Variants in BEND7 observed in about 807,000 individuals in gnomAD.
BEND7 encodes BEN domain containing 7, also known as BEN domain-containing protein 7.
A neutral mutation model predicts 50.9 loss-of-function variants in BEND7; 28 were observed. The observed-to-expected ratio is 0.55, with a 90% confidence interval of 0.41 to 0.75. The LOEUF is 0.75. Ranked by LOEUF, BEND7 falls within the 30% of genes least tolerant of loss-of-function variation. The pLI, the probability that BEND7 is intolerant of heterozygous loss-of-function variation, is 0.00. For missense variants in BEND7, 477 were observed against 491.3 expected (o/e 0.97, Z 0.28); for synonymous variants, 170 against 183.9 (o/e 0.92, Z 0.61).
downstream of BEND7, among the ~76,000 whole-genome samples, chr10:13,440,176 G>C (rs1835149741): frequency 6.6e-6 from 1 of 152,132 alleles, no homozygotes; most frequent in Non-Finnish European, 1.5e-5. Flanking sequence ...GGTTAGAGAG[G>C]TCTTCGAGCT....
intron 6 of BEND7, among the ~76,000 whole-genome samples, chr10:13,475,380 A>G (rs56890921): frequency 0.087 from 13,258 of 152,298 alleles, 675 homozygotes; most frequent in Middle Eastern, 0.12. Context: ...ACTGCCAAAC[A>G]TTTAAACTAG....
At chr10:13,481,710 C>T (rs930496227) in intron 5 of BEND7, among the ~76,000 whole-genome samples, 3 of 152,140 alleles carry the variant, frequency 2.0e-5, no homozygotes, top group Admixed American at 1.3e-4. Flanking sequence ...TAAGTAAAAA[C>T]GATGAGCAGG....
chr10:13,529,480 TGGA>T (rs1384533366), upstream of BEND7, among the ~76,000 whole-genome samples: 3 of 152,094 alleles, frequency 2.0e-5, no homozygotes, highest in African/African-American at 7.2e-5. Flanking sequence ...TAGAATATTG[TGGA>T]GAAGAATATA....
chr10:13,499,174 T>G (rs1344062636), intron 3 of BEND7, among the ~76,000 whole-genome samples: 1 of 152,068 alleles, frequency 6.6e-6, no homozygotes, highest in Non-Finnish European at 1.5e-5. Context: ...TGAAAAAAAA[T>G]TGTCATTTGA....
At chr10:13,441,783 G>A (rs1364615869) in intron 8 of BEND7, 33 bp from the exon 9 acceptor site, 6 of 1,602,494 alleles carry the variant, frequency 3.7e-6, no homozygotes, top group South Asian at 1.1e-5. Flanking sequence ...TGTCAGGAAC[G>A]GGATTACTTA....
chr10:13,457,053 C>G (rs1386899461), intron 6 of BEND7, among the ~76,000 whole-genome samples: 1 of 152,226 alleles, frequency 6.6e-6, no homozygotes, highest in Non-Finnish European at 1.5e-5. Context: ...ACAAAAATGA[C>G]TGAATCCACT....
chr10:13,454,165 A>C (rs1048300854), intron 6 of BEND7, among the ~76,000 whole-genome samples: 1 of 152,132 alleles, frequency 6.6e-6, no homozygotes, highest in Non-Finnish European at 1.5e-5. Context: ...AAAAGAGAAG[A>C]AAGGGAAGGT....
At chr10:13,439,092 C>T, downstream of BEND7, 1 of 1,356,048 alleles carries the variant, frequency 7.4e-7, no homozygotes, top group East Asian at 2.5e-5. Flanking sequence ...GGCCTGAAAT[C>T]TTAACAGCCT....
chr10:13,521,431 T>C (rs2079070759), intron 2 of BEND7, among the ~76,000 whole-genome samples: 1 of 152,112 alleles, frequency 6.6e-6, no homozygotes, highest in African/African-American at 2.4e-5. Context: ...TCTGGGTAAA[T>C]AACACTATTA....
chr10:13,447,275 G>A lies in BEND7; in HGVS notation c.1225C>T (p.Pro409Ser), dbSNP rs146832451. 6.2e-7 allele frequency: 1 copy of A among 1,613,984 alleles called. No homozygotes were observed. The highest frequency in any genetic ancestry group is 1.3e-5 in the African/African-American group (1 of 74,910). Reference sequence around the variant, plus strand: ...AATGCGTTTTATTTACCTGTTGGTGGTAGAGCAATGCCGTCCAGTCTTTCA... The same window carrying A: ...AATGCGTTTTATTTACCTGTTGGTGATAGAGCAATGCCGTCCAGTCTTTCA... ...SDERLDGIAL[P>S]PTVV is the part of the protein sequence containing the mutation. Residue 409 changes from proline (P) to serine (S), a missense_variant, in exon 8 of 9, where the codon CCA becomes TCA. Transcript: ENST00000466271.
chr10:13,449,577 A>G (rs1472306487), intron 7 of BEND7, among the ~76,000 whole-genome samples: 1 of 152,202 alleles, frequency 6.6e-6, no homozygotes, highest in Non-Finnish European at 1.5e-5. Flanking sequence ...ATGCATCGAT[A>G]TGAGCTAATT....
At chr10:13,529,269 C>T (rs977161516), upstream of BEND7, among the ~76,000 whole-genome samples, 1 of 150,720 alleles carries the variant, frequency 6.6e-6, no homozygotes, top group Non-Finnish European at 1.5e-5. Flanking sequence ...TCGCAGACCC[C>T]GCTCGCTGGC....
chr10:13,508,153 G>A (rs1377293291), intron 2 of BEND7, among the ~76,000 whole-genome samples: 1 of 152,178 alleles, frequency 6.6e-6, no homozygotes, highest in Non-Finnish European at 1.5e-5. Context: ...CCTGAGGCTG[G>A]CACCTCTTTC....
intron 6 of BEND7, among the ~76,000 whole-genome samples, chr10:13,480,256 G>A (rs2075763346): frequency 6.6e-6 from 1 of 152,186 alleles, no homozygotes; most frequent in Admixed American, 6.5e-5. Context: ...GTGCTCCCAC[G>A]TGCCCCTGCA....
At chr10:13,474,396 G>A (rs1244189913) in intron 6 of BEND7, among the ~76,000 whole-genome samples, 1 of 151,860 alleles carries the variant, frequency 6.6e-6, no homozygotes. Flanking sequence ...TGTTAGACTC[G>A]GGGCTGATAT....
chr10:13,439,563 G>A, downstream of BEND7: 1 of 1,455,896 alleles, frequency 6.9e-7, no homozygotes, highest in Non-Finnish European at 9.2e-7. Flanking sequence ...CCTCCAAATC[G>A]TCACACCCTG....
intron 2 of BEND7, among the ~76,000 whole-genome samples, chr10:13,509,787 T>C (rs376507093): frequency 3.3e-5 from 5 of 152,106 alleles, no homozygotes; most frequent in Admixed American, 3.3e-4. Flanking sequence ...GTTAAGGCAA[T>C]GAATGGGGCA....
chr10:13,462,078 C>A (rs1027447661), intron 6 of BEND7, among the ~76,000 whole-genome samples: 1 of 152,278 alleles, frequency 6.6e-6, no homozygotes, highest in African/African-American at 2.4e-5. Context: ...AGTAAGTGTG[C>A]TTAAAATGAG....
At chr10:13,524,659 A>T (rs60926266) in intron 2 of BEND7, among the ~76,000 whole-genome samples, 1 of 150,542 alleles carries the variant, frequency 6.6e-6, no homozygotes, top group African/African-American at 2.5e-5. Flanking sequence ...AAAAAAAAAA[A>T]AAAAAAAGAA....
Sources: gnomAD v4.1 joint callset for allele counts (sites outside exome capture counted in the v4.1 genomes callset) on GRCh38, gnomAD v4.1.1 for gene constraint, MANE v1.5 for transcripts, NCBI Gene and HGNC (gene_info 2026-07-23, HGNC 2026-07-21) for gene names.